The following PRPF6 variants were observed in gnomAD, a reference collection of about 807,000 sequenced individuals.
PRPF6 encodes the protein pre-mRNA-processing factor 6.
In PRPF6, 42 loss-of-function variants were observed where a neutral mutation model predicts 118.3. That is an observed-to-expected ratio of 0.35 (90% CI 0.28 to 0.46). The LOEUF (loss-of-function observed/expected upper bound fraction) is 0.46. PRPF6 is among the 20% of genes least tolerant of loss of function. The probability of loss-of-function intolerance (pLI) is 1.00; values close to 1 mark genes in which losing one functional copy is unlikely to be tolerated. For missense variants in PRPF6, 662 were observed against 1,255.7 expected (o/e 0.53, Z 7.15); for synonymous variants, 481 against 485.1 (o/e 0.99, Z 0.11).
chr20:63,993,664 AC>A (rs1569213437), intron 4 of PRPF6, among the ~76,000 whole-genome samples, 179 bp downstream of exon 4: 1 of 149,982 alleles, frequency 6.7e-6, no homozygotes, highest in African/African-American at 2.4e-5. Flanking sequence ...GTAAAAAAAA[AC>A]CCTTCCCCTA....
intron 6 of PRPF6, among the ~76,000 whole-genome samples, chr20:63,997,081 G>C (rs1198319630): frequency 6.6e-6 from 1 of 151,984 alleles, no homozygotes; most frequent in African/African-American, 2.4e-5. Flanking sequence ...CTCCAGAACT[G>C]TTTTCATCTT....
intron 6 of PRPF6, among the ~76,000 whole-genome samples, chr20:63,997,019 C>T (rs1181889908): frequency 6.6e-6 from 1 of 152,082 alleles, no homozygotes; most frequent in Non-Finnish European, 1.5e-5. Context: ...CTGTACATAC[C>T]TTCACTGACA....
chr20:64,019,937 C>T (rs1284307656), intron 12 of PRPF6, among the ~76,000 whole-genome samples: 2 of 152,228 alleles, frequency 1.3e-5, no homozygotes, highest in Non-Finnish European at 2.9e-5. Flanking sequence ...CCCTTCCTCT[C>T]GTAGAAGGCA....
rs757165247 is a variant in PRPF6, at chr20:64,001,208, C to T, written c.1155C>T (p.Asp385=). The change falls in exon 9 of 21, where the codon GAC becomes GAT. Residue 385 remains aspartate (D), a synonymous_variant. Coordinates refer to ENST00000266079, the MANE Select transcript of PRPF6 (RefSeq NM_012469.4). ...TCAGAGCCGCAGAGCTGGAAACGGA[C>T]ATTCGTGCAAAGAAGCGGGTTCTTC... The part of the protein sequence containing the change: ...IYIRAAELET[D]IRAKKRVLRK... The T allele has an allele frequency of 1.9e-6, 3 of 1,614,258 alleles. No individual in the cohort carries two copies. The highest frequency in any genetic ancestry group is 1.1e-5 in the South Asian group (1 of 91,086).
intron 6 of PRPF6, among the ~76,000 whole-genome samples, chr20:63,996,477 A>G (rs761884797): frequency 1.3e-5 from 2 of 152,204 alleles, no homozygotes; most frequent in Non-Finnish European, 2.9e-5. Flanking sequence ...ACCATACCCA[A>G]CTAATTTTTG....
At chr20:64,003,587 A>C (rs2059177075) in intron 9 of PRPF6, among the ~76,000 whole-genome samples, 1 of 152,002 alleles carries the variant, frequency 6.6e-6, no homozygotes, top group Admixed American at 6.6e-5. Context: ...GAATGCTCAG[A>C]GACAGCCTCT....
chr20:64,017,750 T>C (rs1055012580), intron 12 of PRPF6, among the ~76,000 whole-genome samples: 2 of 152,260 alleles, frequency 1.3e-5, no homozygotes, highest in Non-Finnish European at 2.9e-5. Flanking sequence ...TGGAACTGTT[T>C]GACAATGAAT....
intron 3 of PRPF6, among the ~76,000 whole-genome samples, chr20:63,986,628 A>G (rs960434594): frequency 6.6e-6 from 1 of 150,604 alleles, no homozygotes; most frequent in African/African-American, 2.4e-5. Flanking sequence ...AGCTGGGACT[A>G]CAGTTGCCCG....
chr20:63,995,819 G>C (rs1205921392), intron 6 of PRPF6, among the ~76,000 whole-genome samples: 2 of 151,700 alleles, frequency 1.3e-5, no homozygotes, highest in African/African-American at 4.8e-5. Context: ...ACCACACCCG[G>C]CTAATTTTTG....
At position 64,027,846 on chromosome 20, in the gene PRPF6, G is replaced by A; in HGVS notation, c.2339+110G>A. ...CACTCGTGCAGTGCTTCCAGGCTCA[G>A]GGGCTTGGGGGGCGGTAGGTGCTGG... On this transcript the variant is annotated intron_variant, in intron 17 of 20. Coordinates refer to ENST00000266079, the MANE Select transcript of PRPF6 (RefSeq NM_012469.4). The surrounding 1 kb of genome is among the most constrained non-coding windows in gnomAD (Gnocchi z 6.5). The A allele has an allele frequency of 1.4e-6, 2 of 1,473,142 alleles. No homozygotes were observed. Among genetic ancestry groups the A allele is most frequent in the Non-Finnish European group, 1.9e-6 (2 of 1,056,884 alleles). The allele number at this position is 1,473,142 out of a possible 1,614,324, so 91.3% of individuals were successfully genotyped here. A position where few individuals can be genotyped will look rare whatever the true frequency, so the allele number is the denominator to read the frequency against.
At chr20:63,994,162 T>C (rs2059131461) in intron 4 of PRPF6, among the ~76,000 whole-genome samples, 1 of 150,718 alleles carries the variant, frequency 6.6e-6, no homozygotes, top group Admixed American at 6.6e-5. Flanking sequence ...CTTTTTCTTT[T>C]TTTTTTTTTT....
intron 12 of PRPF6, among the ~76,000 whole-genome samples, chr20:64,021,067 G>A (rs546758798): frequency 1.0e-3 from 155 of 152,366 alleles, no homozygotes; most frequent in African/African-American, 3.2e-3. Flanking sequence ...AATTACAGGC[G>A]TGAGCCACCG....
chr20:63,995,794 T>G (rs2059138807), intron 6 of PRPF6, among the ~76,000 whole-genome samples: 1 of 151,694 alleles, frequency 6.6e-6, no homozygotes, highest in South Asian at 2.1e-4. Flanking sequence ...GTAGCTGGGA[T>G]TACAGGTGCC....
intron 11 of PRPF6, among the ~76,000 whole-genome samples, chr20:64,013,786 A>C (rs1335813835): frequency 6.6e-6 from 1 of 152,146 alleles, no homozygotes; most frequent in East Asian, 1.9e-4. Flanking sequence ...GAATCCACCC[A>C]TTTAAAGTTT....
At chr20:64,025,182 C>G (rs2059283305) in intron 14 of PRPF6, among the ~76,000 whole-genome samples, 1 of 152,144 alleles carries the variant, frequency 6.6e-6, no homozygotes, top group Non-Finnish European at 1.5e-5. Context: ...ATAGAGTGTG[C>G]CCTTCTTTGA....
intron 3 of PRPF6, among the ~76,000 whole-genome samples, chr20:63,986,460 A>C (rs1277944523): frequency 6.6e-6 from 1 of 151,756 alleles, no homozygotes; most frequent in Admixed American, 6.6e-5. Flanking sequence ...ACATCATATC[A>C]ACAGAATGAA....
At chr20:63,994,654 C>T (rs910465441) in intron 4 of PRPF6, among the ~76,000 whole-genome samples, 3 of 152,006 alleles carry the variant, frequency 2.0e-5, no homozygotes, top group African/African-American at 7.3e-5. Flanking sequence ...GCTTGTGGTC[C>T]CAGCAACTTG....
intron 11 of PRPF6, among the ~76,000 whole-genome samples, chr20:64,015,697 C>T (rs1320130641): frequency 6.6e-6 from 1 of 152,186 alleles, no homozygotes; most frequent in Non-Finnish European, 1.5e-5. Flanking sequence ...AGAAATTGCC[C>T]TCCATAGAGA....
chr20:64,005,610 T>C (rs2059186880), intron 9 of PRPF6, among the ~76,000 whole-genome samples: 1 of 152,090 alleles, frequency 6.6e-6, no homozygotes, highest in African/African-American at 2.4e-5. Flanking sequence ...CAGAGCCTCG[T>C]CCTATTGCCC....
Sources: allele counts gnomAD v4.1 joint callset (sites outside exome capture counted in the v4.1 genomes callset), GRCh38; gene constraint gnomAD v4.1.1; non-coding constraint Gnocchi (gnomAD v3.1); transcripts MANE v1.5; gene names NCBI Gene and HGNC (gene_info 2026-07-23, HGNC 2026-07-21).